The following MDP1 variants were observed in gnomAD, a reference collection of about 807,000 sequenced individuals.
MDP1 encodes the protein magnesium-dependent phosphatase 1.
Under a neutral mutation model 21.6 loss-of-function variants are expected in MDP1, and 18 were observed. The ratio of observed to expected loss-of-function variants is 0.83; its 90% CI spans 0.58 to 1.24. MDP1 has a LOEUF of 1.24. MDP1 is among the 50% of genes most tolerant of loss of function. The pLI is 0.00. For synonymous variants in MDP1, 101 were observed against 83.2 expected, an observed-to-expected ratio of 1.21 and a Z score of -1.16; for missense variants, 207 against 218.6, an observed-to-expected ratio of 0.95 and a Z score of 0.33.
At position 24,215,081 on chromosome 14, in the gene MDP1, CTTTT is replaced by C. The variant is rs907932145; in HGVS notation, c.209+467_209+470del. ...GTGTGAGTCACTGTGTCTGGCCCCA[CTTTT>C]TTTTTTTTTTTTTTTTTTGAGACAT... On this transcript the variant is annotated intron_variant, in intron 3 of 5. Coordinates refer to ENST00000288087, the MANE Select transcript of MDP1 (RefSeq NM_138476.4). Among the ~76,000 whole-genome samples the C allele has an allele frequency of 3.0e-3, 334 of 111,272 alleles. 1 individual carries two copies. The highest frequency in any genetic ancestry group is 0.014 in the Middle Eastern group (3 of 212). The allele number at this position is 111,272 out of a possible 152,430, so 73.0% of individuals were successfully genotyped here.
In MDP1 at chr14:24,214,635, G is replaced by T; in HGVS notation, c.210-36C>A. The T allele has an allele frequency of 1.2e-6, 2 of 1,609,652 alleles. 1 individual carries two copies. On this transcript the variant is annotated intron_variant, in intron 3 of 5. Coordinates refer to ENST00000288087, the MANE Select transcript of MDP1 (RefSeq NM_138476.4). ...GTGTAAAAGATGGGATTAGCAAAGT[G>T]AAGGGCCAGGGCTACGTTAACTTAT...
In MDP1 at chr14:24,214,344, A is replaced by G; in HGVS notation, c.369T>C (p.Asp123=). Residue 123 remains aspartate (D), a synonymous_variant, in exon 5 of 6, where the codon GAT becomes GAC. Coordinates refer to ENST00000288087, the MANE Select transcript of MDP1 (RefSeq NM_138476.4). ...IPFSQMIFFD[D]ERRNIVDVSK... ...TGACGTCTACAATATTCCGCCTCTCATCATCAAAGAAGATCATCTGGGAGA... is the reference window on the plus strand; with the variant it reads ...TGACGTCTACAATATTCCGCCTCTCGTCATCAAAGAAGATCATCTGGGAGA... The G allele has an allele frequency of 6.2e-7, 1 of 1,614,188 alleles. No homozygotes were observed. The highest frequency in any genetic ancestry group is 8.5e-7 in the Non-Finnish European group (1 of 1,180,018).
chr14:24,215,714 A>C (rs1266331122), intron 2 of MDP1, 23 bp downstream of exon 2: 4 of 1,614,050 alleles, frequency 2.5e-6, no homozygotes, highest in Non-Finnish European at 3.4e-6. Flanking sequence ...TCTCGCCCCC[A>C]GTCTTCCCTG....
At position 24,215,596 on chromosome 14, in the gene MDP1, T is replaced by G; in HGVS notation, c.165A>C (p.Leu55=). The change falls in exon 3 of 6, where the codon CTA becomes CTC. Residue 55 remains leucine (L), a synonymous_variant. Coordinates refer to ENST00000288087, the MANE Select transcript of MDP1 (RefSeq NM_138476.4). Reference sequence around the variant, plus strand: ...GCACCCCAAGGCTCTGCAATCGTTTTAGGACCTCAGGCACCTCTGGGTACA... The same window carrying G: ...GCACCCCAAGGCTCTGCAATCGTTTGAGGACCTCAGGCACCTCTGGGTACA... The part of the protein sequence containing the change: ...VRLYPEVPEV[L]KRLQSLGVPG... 1.2e-6 allele frequency: 2 copies of G among 1,614,172 alleles called. No individual in the cohort carries two copies. Among genetic ancestry groups the G allele is most frequent in the African/African-American group, 2.7e-5 (2 of 75,036 alleles).
At chr14:24,215,896 A>T (rs1298808690) in intron 1 of MDP1, 23 bp downstream of exon 1, 2 of 1,613,914 alleles carry the variant, frequency 1.2e-6, no homozygotes, top group African/African-American at 1.3e-5. Flanking sequence ...ACCTTACGAA[A>T]TTCTCCCCTT....
rs144176103 is a variant in MDP1, at chr14:24,214,395, C to G, written c.318G>C (p.Arg106Ser). 5.1e-5 allele frequency: 82 copies of G among 1,614,214 alleles called. No homozygotes were observed. The African/African-American group carries it at 1.0e-3, about 20-fold the overall frequency. Residue 106 changes from arginine to serine, a missense_variant and splice_region_variant, in exon 5 of 6, where the codon AGG (arginine) becomes AGC (serine). By Grantham distance (110) the Arg-to-Ser change is moderately radical (BLOSUM62 -1). Coordinates refer to ENST00000288087, the MANE Select transcript of MDP1 (RefSeq NM_138476.4). ...YPGSKITHFE[R>S]LQQKTGIPFS... ...AAGGAATTCCAGTCTTCTGCTGCAACCTATTCAAGACAGGGCAGGAGTAAC... is the reference window on the plus strand; with the variant it reads ...AAGGAATTCCAGTCTTCTGCTGCAAGCTATTCAAGACAGGGCAGGAGTAAC...
intron 4 of MDP1, 36 bp from the exon 5 acceptor site, chr14:24,214,431 T>C (rs750418951): frequency 2.7e-5 from 44 of 1,614,088 alleles, no homozygotes; most frequent in Non-Finnish European, 3.6e-5. Flanking sequence ...CAAGCTAGTA[T>C]CTTGGTTTCC....
intron 3 of MDP1, among the ~76,000 whole-genome samples, chr14:24,215,311 C>G (rs2039665898): frequency 6.6e-6 from 1 of 151,514 alleles, no homozygotes; most frequent in African/African-American, 2.4e-5. Context: ...GTCTTGAACT[C>G]CCGATCTCGT....
At position 24,214,525 on chromosome 14, in the gene MDP1, A is replaced by G. The variant is rs749550755; in HGVS notation, c.284T>C (p.Ile95Thr). Residue 95 changes from isoleucine to threonine, a missense_variant, in exon 4 of 6, where the codon ATC becomes ACC. By Grantham distance (89) the Ile-to-Thr change is moderately conservative. Transcript: ENST00000288087. ...DLFRYFVHRE[I>T]YPGSKITHFE... ...GTGTGTGATCTTGCTGCCTGGATAGATTTCCCGATGAACAAAGTACCTGAA... is the reference window on the plus strand; with the variant it reads ...GTGTGTGATCTTGCTGCCTGGATAGGTTTCCCGATGAACAAAGTACCTGAA... 4 of 1,614,110 alleles carry G rather than the reference A, an allele frequency of 2.5e-6. No homozygotes were observed. Among genetic ancestry groups the G allele is most frequent in the Non-Finnish European group, 3.4e-6 (4 of 1,180,022 alleles).
At position 24,214,488 on chromosome 14, in the gene MDP1, A is replaced by T; in HGVS notation, c.317+4T>A. The T allele has an allele frequency of 6.2e-7, 1 of 1,614,118 alleles. No homozygotes were observed. The highest frequency in any genetic ancestry group is 8.5e-7 in the Non-Finnish European group (1 of 1,180,020). The stretch of plus-strand genomic sequence containing the variant: ...CACCCTGCTCCTCCCTTATCTCCGC[A>T]TACCTCTCAAAGTGTGTGATCTTGC... On this transcript the variant is annotated splice_donor_region_variant and intron_variant, in intron 4 of 5. Coordinates refer to ENST00000288087, the MANE Select transcript of MDP1 (RefSeq NM_138476.4).
At position 24,215,934 on chromosome 14, in the gene MDP1, C is replaced by A. The variant is rs897845757; in HGVS notation, c.22G>T (p.Ala8Ser). Residue 8 changes from alanine to serine, a missense_variant, in exon 1 of 6, where the codon GCA becomes TCA. Ala to Ser is a moderately conservative substitution (Grantham distance 99). Transcript: ENST00000288087. Reference protein sequence around the residue: MARLPKLAVFDLDYTLWP... With the variant: MARLPKLSVFDLDYTLWP... Reference sequence around the variant, plus strand: ...CGTCCCTCACCCAAATCAAAGACTGCCAGCTTCGGTAGCCGCGCCATGACC... The same window carrying A: ...CGTCCCTCACCCAAATCAAAGACTGACAGCTTCGGTAGCCGCGCCATGACC... 4 of 1,614,090 alleles carry A rather than the reference C, an allele frequency of 2.5e-6. No individual in the cohort carries two copies. In the African/African-American group the frequency reaches 4.0e-5, roughly 16 times the overall value.
Position 24,214,572 on chromosome 14 carries a change from C to T in MDP1, c.237G>A (p.Gln79=). 6.2e-7 allele frequency: 1 copy of T among 1,614,202 alleles called. No homozygotes were observed. The highest frequency in any genetic ancestry group is 8.5e-7 in the Non-Finnish European group (1 of 1,180,038). The part of the protein sequence containing the change: ...SRTSEIEGAN[Q]LLELFDLFRY... ...TGAAGAGGTCAAAGAGCTCCAGTAG[C>T]TGGTTGGCCCCTTCTATCTCACTTG... The change falls in exon 4 of 6, where the codon CAG becomes CAA. Residue 79 remains glutamine (Q), a synonymous_variant. Transcript: ENST00000288087.
At chr14:24,215,418 G>A in intron 3 of MDP1, 134 bp downstream of exon 3, 1 of 1,052,312 alleles carries the variant, frequency 9.5e-7, no homozygotes. Flanking sequence ...AAAGGCACAG[G>A]AGAGCGTTCA....
rs2039675420 is a variant in MDP1, at chr14:24,215,618, TAC to T, written c.141_142del (p.Tyr48ProfsTer5). On this transcript the variant is annotated frameshift_variant, in exon 3 of 6. Coordinates refer to ENST00000288087, the MANE Select transcript of MDP1 (RefSeq NM_138476.4). LOFTEE classifies it high-confidence loss of function. ...TTTTAGGACCTCAGGCACCTCTGGG[TAC>T]AGTCGGACGTCTTGGCCCCGCCTAT... 1 of 1,613,982 alleles carries T rather than the reference TAC, an allele frequency of 6.2e-7. No individual in the cohort carries two copies. The highest frequency in any genetic ancestry group is 1.3e-5 in the African/African-American group (1 of 74,882).
Position 24,214,146 on chromosome 14 carries a change from T to C in MDP1, c.409A>G (p.Thr137Ala). 6.2e-7 allele frequency: 1 copy of C among 1,611,308 alleles called. No individual in the cohort carries two copies. Among genetic ancestry groups the C allele is most frequent in the Non-Finnish European group, 8.5e-7 (1 of 1,178,882 alleles). Residue 137 changes from threonine to alanine, a missense_variant, in exon 6 of 6, where the codon ACC becomes GCC. By Grantham distance (58) the Thr-to-Ala change is moderately conservative (BLOSUM62 0). Transcript: ENST00000288087. ...ATTCCATTCTGGATGTGAATGCAGGTAACACCTAGAAAGATAAGAAGTCAC... is the reference window on the plus strand; with the variant it reads ...ATTCCATTCTGGATGTGAATGCAGGCAACACCTAGAAAGATAAGAAGTCAC... ...NIVDVSKLGV[T>A]CIHIQNGMNL...
At position 24,214,608 on chromosome 14, in the gene MDP1, C is replaced by G; in HGVS notation, c.210-9G>C. On this transcript the variant is annotated splice_polypyrimidine_tract_variant and intron_variant, in intron 3 of 5. Coordinates refer to ENST00000288087, the MANE Select transcript of MDP1 (RefSeq NM_138476.4). ...CTTCTATCTCACTTGTCCTGCAAAA[C>G]GGTGTAAAAGATGGGATTAGCAAAG... is the stretch of plus-strand genomic sequence containing the variant. 6.2e-7 allele frequency: 1 copy of G among 1,614,084 alleles called. No individual in the cohort carries two copies. The highest frequency in any genetic ancestry group is 8.5e-7 in the Non-Finnish European group (1 of 1,179,960).
chr14:24,215,430 G>T, intron 3 of MDP1, 122 bp downstream of exon 3: 2 of 1,179,306 alleles, frequency 1.7e-6, no homozygotes, highest in Non-Finnish European at 2.4e-6. Flanking sequence ...GAGCGTTCAA[G>T]GGAAAAAATA....
chr14:24,215,999 C>A lies in MDP1; in HGVS notation c.-44G>T, dbSNP rs775895059. Reference sequence around the variant, plus strand: ...CGCGCAGCAGAGGTGGGGCTTCACCCGGGGCCTTAGAGAGTGCGGAACCTC... The same window carrying A: ...CGCGCAGCAGAGGTGGGGCTTCACCAGGGGCCTTAGAGAGTGCGGAACCTC... On this transcript the variant is annotated 5_prime_UTR_variant, in exon 1 of 6. Transcript: ENST00000288087. 1 of 1,613,380 alleles carries A rather than the reference C, an allele frequency of 6.2e-7. No individual in the cohort carries two copies. The highest frequency in any genetic ancestry group is 8.5e-7 in the Non-Finnish European group (1 of 1,179,874).
rs1444469492 is a variant in MDP1 at position 24,214,156 on chromosome 14, A to G, written c.404-5T>C. 6.2e-7 allele frequency: 1 copy of G among 1,608,852 alleles called. No individual in the cohort carries two copies. The highest frequency in any genetic ancestry group is 8.5e-7 in the Non-Finnish European group (1 of 1,177,784). ...GGATGTGAATGCAGGTAACACCTAG[A>G]AAGATAAGAAGTCACATTTCATTAA... On this transcript the variant is annotated splice_region_variant and splice_polypyrimidine_tract_variant and intron_variant, in intron 5 of 5. Transcript: ENST00000288087.
Sources: gnomAD v4.1 joint callset for allele counts (sites outside exome capture counted in the v4.1 genomes callset) on GRCh38, gnomAD v4.1.1 for gene constraint, MANE v1.5 for transcripts, NCBI Gene and HGNC (gene_info 2026-07-23, HGNC 2026-07-21) for gene names.